Variants in ERCC4 observed in about 807,000 individuals in gnomAD.
The protein encoded by ERCC4 is DNA repair endonuclease XPF.
In ERCC4, 65 loss-of-function variants were observed where a neutral mutation model predicts 76.9. The observed-to-expected ratio is 0.84, with a 90% CI of 0.69 to 1.04. The LOEUF (loss-of-function observed/expected upper bound fraction) is 1.04. Among genes scored for constraint, ERCC4 ranks in the 50% least tolerant of loss-of-function variants. The pLI is 0.00. For missense variants in ERCC4, 1,214 were observed against 1,128.2 expected (o/e 1.08, Z -1.09); for synonymous variants, 463 against 410.1 (o/e 1.13, Z -1.56).
intron 2 of ERCC4, 84 bp from the exon 3 acceptor site, chr16:13,926,477 C>T: frequency 8.4e-7 from 1 of 1,183,610 alleles, no homozygotes; most frequent in Non-Finnish European, 1.3e-6. Context: ...TATTCATTCT[C>T]TTGTAAGTAC....
At chr16:13,921,650 A>AAGC (rs2031978749) in intron 1 of ERCC4, among the ~76,000 whole-genome samples, 1 of 152,230 alleles carries the variant, frequency 6.6e-6, no homozygotes, top group Admixed American at 6.5e-5. Context: ...TTGTCTGGGG[A>AAGC]AAGGATTCCC....
rs756494000 is a variant in ERCC4, at chr16:13,920,227, A to G, written c.62A>G (p.Gln21Arg). Residue 21 changes from glutamine (Q) to arginine (R), a missense_variant, in exon 1 of 11, where the codon CAG (glutamine) becomes CGG (arginine). Gln to Arg is a conservative substitution (Grantham distance 43). Coordinates refer to ENST00000311895, the MANE Select transcript of ERCC4 (RefSeq NM_005236.3). ...AMAPLLEYER[Q>R]LVLELLDTDG... Reference sequence around the variant, plus strand: ...GCGCCGCTGCTGGAGTACGAGCGACAGCTGGTGCTGGAACTGCTCGACACT... The same window carrying G: ...GCGCCGCTGCTGGAGTACGAGCGACGGCTGGTGCTGGAACTGCTCGACACT... 1 of 1,607,872 alleles carries G rather than the reference A, an allele frequency of 6.2e-7. No individual in the cohort carries two copies. The highest frequency in any genetic ancestry group is 1.3e-5 in the African/African-American group (1 of 74,944).
Position 13,935,189 on chromosome 16 carries a change from G to T in ERCC4, c.1257G>T (p.Gln419His). ...ICASDDRTCS[Q>H]LRDYITLGAE... ...CAAGTGATGACCGAACATGTTCCCA[G>T]CTGAGAGACTATATCACTCTTGGAG... Residue 419 changes from glutamine to histidine, a missense_variant, in exon 8 of 11, where the codon CAG becomes CAT. Coordinates refer to ENST00000311895, the MANE Select transcript of ERCC4 (RefSeq NM_005236.3). 2.5e-6 allele frequency: 4 copies of T among 1,614,098 alleles called. No individual in the cohort carries two copies. Among genetic ancestry groups the T allele is most frequent in the Non-Finnish European group, 3.4e-6 (4 of 1,179,992 alleles).
chr16:13,947,823 AGCCAGTGCATCTCCATGTCCC>A lies in ERCC4; in HGVS notation c.2230_2250del (p.Gln744_Arg750del). 6.2e-7 allele frequency: 1 copy of A among 1,614,212 alleles called. No individual in the cohort carries two copies. The highest frequency in any genetic ancestry group is 8.5e-7 in the Non-Finnish European group (1 of 1,180,044). ...CTCTTTAAATAACGGCCGCCTCTAC[AGCCAGTGCATCTCCATGTCCC>A]GCTACTACAAGCGTCCCGTGCTTCT... is the stretch of plus-strand genomic sequence containing the variant. On this transcript the variant is annotated inframe_deletion, in exon 11 of 11. Coordinates refer to ENST00000311895, the MANE Select transcript of ERCC4 (RefSeq NM_005236.3).
chr16:13,928,753 A>G (rs920786844), intron 4 of ERCC4, among the ~76,000 whole-genome samples: 1 of 152,168 alleles, frequency 6.6e-6, no homozygotes, highest in Admixed American at 6.5e-5. Flanking sequence ...TTAATATTGC[A>G]GATATATAAA....
At chr16:13,925,087 G>C (rs2032048127) in intron 2 of ERCC4, among the ~76,000 whole-genome samples, 2 of 152,166 alleles carry the variant, frequency 1.3e-5, no homozygotes, top group Admixed American at 6.5e-5. Context: ...TGGTTAAGTT[G>C]CTTCCCTTCC....
intron 9 of ERCC4, among the ~76,000 whole-genome samples, chr16:13,941,058 C>T (rs1047065928): frequency 1.3e-5 from 2 of 152,140 alleles, no homozygotes; most frequent in African/African-American, 4.8e-5. Context: ...AGTAAGGTAC[C>T]AGATCCCATG....
rs759518166 is a variant in ERCC4, at chr16:13,922,031, G to T, written c.208G>T (p.Glu70Ter). ...ACTAATCAAGTTTGATTTGATTTAG[G>T]AGTATTTTATCAATCAGCTGAAGAT... ...LVLNTQPAEE[E>*]YFINQLKIEG... The change falls in exon 2 of 11, where the codon GAG (glutamate) becomes TAG (stop). Residue 70 changes from glutamate (E) to a stop codon, truncating the protein, a stop_gained and splice_region_variant. Coordinates refer to ENST00000311895, the MANE Select transcript of ERCC4 (RefSeq NM_005236.3). LOFTEE classifies it high-confidence loss of function. 1 of 1,611,094 alleles carries T rather than the reference G, an allele frequency of 6.2e-7. No homozygotes were observed. The highest frequency in any genetic ancestry group is 1.1e-5 in the South Asian group (1 of 90,976).
At chr16:13,927,557 CAAAAA>C (rs527349868) in intron 3 of ERCC4, 13 of 52,144 alleles carry the variant, frequency 2.5e-4, no homozygotes, top group South Asian at 1.8e-3. Context: ...AACTCCATCT[CAAAAA>C]AAAAAAAAAA....
At position 13,948,411 on chromosome 16, in the gene ERCC4, A is replaced by G. The variant is rs1414763419; in HGVS notation, c.*64A>G. 2.0e-6 allele frequency: 3 copies of G among 1,536,098 alleles called. No individual in the cohort carries two copies. Among genetic ancestry groups the G allele is most frequent in the African/African-American group, 2.7e-5 (2 of 73,532 alleles). The stretch of plus-strand genomic sequence containing the variant: ...TCAGCGGCTCCTTGCCAGACATCAT[A>G]GGTCATTATTAATTATTGGTTTGCT... On this transcript the variant is annotated 3_prime_UTR_variant, in exon 11 of 11. Transcript: ENST00000311895.
At chr16:13,930,495 CATT>C (rs1421892902) in intron 4 of ERCC4, among the ~76,000 whole-genome samples, 1 of 152,100 alleles carries the variant, frequency 6.6e-6, no homozygotes, top group Non-Finnish European at 1.5e-5. Context: ...AAAATTTAAA[CATT>C]ATTATTAGAA....
chr16:13,943,823 C>T (rs1265665971), intron 9 of ERCC4, among the ~76,000 whole-genome samples: 2 of 151,668 alleles, frequency 1.3e-5, no homozygotes, highest in Non-Finnish European at 2.9e-5. Context: ...TCTTTTCTGT[C>T]ATACCTGGCA....
Position 13,949,524 on chromosome 16 carries a change from G to C in ERCC4, c.*1177G>C. The C allele has an allele frequency of 4.3e-6, 1 of 233,118 alleles. No individual in the cohort carries two copies. Among genetic ancestry groups the C allele is most frequent in the East Asian group, 6.0e-5 (1 of 16,550 alleles). 14.4% of individuals were successfully genotyped at this position (233,118 alleles called of 1,614,324 possible). ...TGAGGACTCAAATACAAGCCAATGAGTGGCCCACTAAGCTTTTAAGATTTG... is the reference window on the plus strand; with the variant it reads ...TGAGGACTCAAATACAAGCCAATGACTGGCCCACTAAGCTTTTAAGATTTG... On this transcript the variant is annotated 3_prime_UTR_variant, in exon 11 of 11. Coordinates refer to ENST00000311895, the MANE Select transcript of ERCC4 (RefSeq NM_005236.3).
At chr16:13,940,845 T>C (rs2032399976) in intron 9 of ERCC4, among the ~76,000 whole-genome samples, 1 of 152,178 alleles carries the variant, frequency 6.6e-6, no homozygotes, top group African/African-American at 2.4e-5. Context: ...AAGCCTTTCT[T>C]GGAAACATGC....
chr16:13,925,978 T>G (rs2032064861), intron 2 of ERCC4, among the ~76,000 whole-genome samples: 1 of 152,192 alleles, frequency 6.6e-6, no homozygotes, highest in Non-Finnish European at 1.5e-5. Flanking sequence ...ATTGAAGGTT[T>G]TTGTTTTAAA....
At position 13,935,196 on chromosome 16, in the gene ERCC4, G is replaced by C. The variant is rs2032258667; in HGVS notation, c.1264G>C (p.Asp422His). 6.2e-7 allele frequency: 1 copy of C among 1,614,104 alleles called. No homozygotes were observed. Among genetic ancestry groups the C allele is most frequent in the Non-Finnish European group, 8.5e-7 (1 of 1,180,012 alleles). ...SDDRTCSQLR[D>H]YITLGAEAFL... The stretch of plus-strand genomic sequence containing the variant: ...TGACCGAACATGTTCCCAGCTGAGA[G>C]ACTATATCACTCTTGGAGCGGAGGC... Residue 422 changes from aspartate to histidine, a missense_variant, in exon 8 of 11, where the codon GAC becomes CAC. Transcript: ENST00000311895.
At position 13,934,172 on chromosome 16, in the gene ERCC4, A is replaced by G; in HGVS notation, c.1103-20A>G. The G allele has an allele frequency of 1.4e-6, 2 of 1,480,296 alleles. No homozygotes were observed. The highest frequency in any genetic ancestry group is 1.1e-5 in the South Asian group (1 of 87,602). 91.7% of individuals were successfully genotyped at this position (1,480,296 alleles called of 1,614,324 possible). A position where few individuals can be genotyped will look rare whatever the true frequency, so the allele number is the denominator to read the frequency against. ...GGTAAATATTATCACATAGAATGAGATATTTTTATTTCTCTACAGAAACAA... is the reference window on the plus strand; with the variant it reads ...GGTAAATATTATCACATAGAATGAGGTATTTTTATTTCTCTACAGAAACAA... On this transcript the variant is annotated intron_variant, in intron 6 of 10. Transcript: ENST00000311895.
intron 9 of ERCC4, among the ~76,000 whole-genome samples, chr16:13,942,140 G>A (rs1025658332): frequency 6.6e-6 from 1 of 152,202 alleles, no homozygotes; most frequent in African/African-American, 2.4e-5. Context: ...GGTGCTTTAA[G>A]CAGAAATAGG....
At chr16:13,939,180 C>T (rs1262897864) in intron 9 of ERCC4, among the ~76,000 whole-genome samples, 2 of 152,204 alleles carry the variant, frequency 1.3e-5, no homozygotes, top group African/African-American at 4.8e-5. Flanking sequence ...GTTCCAGGCT[C>T]TTTGCTCCTC....
Sources: allele counts gnomAD v4.1 joint callset (sites outside exome capture counted in the v4.1 genomes callset), GRCh38; gene constraint gnomAD v4.1.1; transcripts MANE v1.5; gene names NCBI Gene and HGNC (gene_info 2026-07-23, HGNC 2026-07-21).